Variants in CSMD3 observed in about 807,000 individuals in gnomAD.
The protein encoded by CSMD3 is CUB and Sushi multiple domains 3.
Under a neutral mutation model 435.2 loss-of-function variants are expected in CSMD3, and 177 were observed. The ratio of observed to expected loss-of-function variants is 0.41; its 90% CI spans 0.36 to 0.46. The LOEUF is 0.46. Among genes scored for constraint, CSMD3 ranks in the 20% least tolerant of loss-of-function variants. CSMD3 has a pLI of 0.34. For missense variants in CSMD3, 4,265 were observed against 4,504.6 expected (o/e 0.95, Z 1.52); for synonymous variants, 1,656 against 1,520.5 (o/e 1.09, Z -2.07).
intron 10 of CSMD3, among the ~76,000 whole-genome samples, chr8:112,885,967 T>A (rs972958055): frequency 6.6e-6 from 1 of 151,694 alleles, no homozygotes; most frequent in Non-Finnish European, 1.5e-5. Context: ...ATGACTATCT[T>A]AAGGCACTGA....
intron 32 of CSMD3, among the ~76,000 whole-genome samples, chr8:112,454,861 T>G (rs1329722235): frequency 1.3e-5 from 2 of 152,034 alleles, no homozygotes; most frequent in African/African-American, 4.8e-5. Flanking sequence ...CTCAGCATCT[T>G]TTGTAGTGAC....
chr8:112,396,770 T>C (rs1830892831), intron 35 of CSMD3, among the ~76,000 whole-genome samples: 1 of 152,138 alleles, frequency 6.6e-6, no homozygotes, highest in African/African-American at 2.4e-5. Flanking sequence ...TTAAGAAATG[T>C]TTTACAACCA....
At chr8:112,576,835 C>CATATATATATATATATATAT (rs5894088) in intron 23 of CSMD3, among the ~76,000 whole-genome samples, 8 of 71,606 alleles carry the variant, frequency 1.1e-4, no homozygotes, top group African/African-American at 2.5e-4. Context: ...AGGCAGCATA[C>CATATATATATATATATATAT]ATATATATAT....
At chr8:112,771,189 A>G (rs1327540113) in intron 13 of CSMD3, among the ~76,000 whole-genome samples, 3 of 152,104 alleles carry the variant, frequency 2.0e-5, no homozygotes, top group Non-Finnish European at 2.9e-5. Context: ...CAAACATTCA[A>G]TGTTAAAGTA....
At chr8:112,920,918 T>C (rs13262317) in intron 10 of CSMD3, among the ~76,000 whole-genome samples, 72,621 of 122,458 alleles carry the variant, frequency 0.59, 18,231 homozygotes, top group East Asian at 0.64. Context: ...TATATATATA[T>C]ACACACACAC....
chr8:112,398,904 G>T (rs893866851), intron 35 of CSMD3, among the ~76,000 whole-genome samples: 119 of 151,580 alleles, frequency 7.9e-4, no homozygotes, highest in African/African-American at 2.9e-3. Flanking sequence ...CTTATCAAAC[G>T]TTACTTGATT....
chr8:113,045,680 C>T (rs73702279), intron 5 of CSMD3, among the ~76,000 whole-genome samples: 1 of 149,656 alleles, frequency 6.7e-6, no homozygotes, highest in African/African-American at 2.4e-5. Flanking sequence ...GAGTGTGGTT[C>T]AGACAGCACA....
At position 112,883,137 on chromosome 8, in the gene CSMD3, T is replaced by C. The variant is rs1208983344; in HGVS notation, c.1634-23871A>G. ...CACTTTTGCTTAAAATGTTCACACA[T>C]ATCTGAACCCCAGGCCAAGTTTTGC... On this transcript the variant is annotated intron_variant, in intron 10 of 70. Coordinates refer to ENST00000297405, the MANE Select transcript of CSMD3 (RefSeq NM_198123.2). Among the ~76,000 whole-genome samples, 3 of 151,970 alleles carry C rather than the reference T, an allele frequency of 2.0e-5. No homozygotes were observed. The East Asian group carries it at 5.8e-4, about 30-fold the overall frequency.
chr8:112,569,558 G>C lies in CSMD3; in HGVS notation c.4042+3943C>G, dbSNP rs541954450. ...AACATACTTTTTTCATTTTATCTCA[G>C]CCAAATGCAGTTTTATCTACCCAAA... On this transcript the variant is annotated intron_variant, in intron 24 of 70. Coordinates refer to ENST00000297405, the MANE Select transcript of CSMD3 (RefSeq NM_198123.2). 2.4e-3 allele frequency among the ~76,000 whole-genome samples: 364 copies of C among 152,138 alleles called. 2 individuals are homozygous for C. Among genetic ancestry groups the C allele is most frequent in the African/African-American group, 8.5e-3 (352 of 41,506 alleles).
chr8:112,470,045 C>T (rs1818367485), intron 32 of CSMD3, among the ~76,000 whole-genome samples: 1 of 152,086 alleles, frequency 6.6e-6, no homozygotes, highest in Non-Finnish European at 1.5e-5. Flanking sequence ...GTAACTACTG[C>T]TTGACCATCT....
chr8:113,073,131 A>G (rs1051676722), intron 5 of CSMD3, among the ~76,000 whole-genome samples: 2 of 151,844 alleles, frequency 1.3e-5, no homozygotes, highest in Non-Finnish European at 2.9e-5. Flanking sequence ...ACATTTATCC[A>G]TATGAAATTT....
chr8:112,627,234 T>G (rs77690195), intron 22 of CSMD3, among the ~76,000 whole-genome samples: 1 of 152,164 alleles, frequency 6.6e-6, no homozygotes. Context: ...TTATAGTTTT[T>G]CTTTTTTTCC....
chr8:113,318,400 C>T (rs2093925545), intron 1 of CSMD3, among the ~76,000 whole-genome samples: 1 of 152,106 alleles, frequency 6.6e-6, no homozygotes. Context: ...ATTACTGTAG[C>T]TATCATCTCA....
chr8:112,884,733 CT>C (rs2081543727), intron 10 of CSMD3, among the ~76,000 whole-genome samples: 2 of 150,988 alleles, frequency 1.3e-5, no homozygotes, highest in South Asian at 4.2e-4. Flanking sequence ...TTTCTTTTTA[CT>C]TGGTACTTTA....
chr8:113,323,122 C>G (rs1276679679), intron 1 of CSMD3, among the ~76,000 whole-genome samples: 1 of 152,122 alleles, frequency 6.6e-6, no homozygotes, highest in Non-Finnish European at 1.5e-5. Flanking sequence ...TATTACTTTA[C>G]CCTCATTCGC....
chr8:113,060,995 A>G (rs1398124028), intron 5 of CSMD3, among the ~76,000 whole-genome samples: 1 of 152,126 alleles, frequency 6.6e-6, no homozygotes. Context: ...ATGTGATCTG[A>G]CTTTAAGTAG....
chr8:112,724,028 G>T (rs1199251581), intron 13 of CSMD3, among the ~76,000 whole-genome samples: 2 of 151,798 alleles, frequency 1.3e-5, no homozygotes, highest in Non-Finnish European at 2.9e-5. Flanking sequence ...TAGAGAGACA[G>T]AAAATATTAA....
At chr8:113,302,191 T>C (rs553900296) in intron 2 of CSMD3, among the ~76,000 whole-genome samples, 2 of 143,966 alleles carry the variant, frequency 1.4e-5, no homozygotes, top group African/African-American at 5.2e-5. Flanking sequence ...TATCAATACT[T>C]TTGAGATTTT....
intron 23 of CSMD3, among the ~76,000 whole-genome samples, chr8:112,577,047 G>A (rs1215007145): frequency 6.6e-6 from 1 of 151,954 alleles, no homozygotes; most frequent in Non-Finnish European, 1.5e-5. Context: ...AAATACTGCT[G>A]AAGCTCCACT....
Sources: allele counts gnomAD v4.1 joint callset (sites outside exome capture counted in the v4.1 genomes callset), GRCh38; gene constraint gnomAD v4.1.1; transcripts MANE v1.5; gene names NCBI Gene and HGNC (gene_info 2026-07-23, HGNC 2026-07-21).